Variants in CRYM observed in about 807,000 individuals in gnomAD.
CRYM encodes the protein ketimine reductase mu-crystallin.
A neutral mutation model predicts 32.9 loss-of-function variants in CRYM; 18 were observed. That is an observed-to-expected ratio of 0.55 (90% CI 0.38 to 0.81). The LOEUF (loss-of-function observed/expected upper bound fraction) is 0.81. Among genes scored for constraint, CRYM ranks in the 30% least tolerant of loss-of-function variants. The pLI is 0.00. For synonymous variants in CRYM, 153 were observed against 152.4 expected, an observed-to-expected ratio of 1.00 and a Z score of -0.03; for missense variants, 337 against 393.5, an observed-to-expected ratio of 0.86 and a Z score of 1.21.
intron 1 of CRYM, among the ~76,000 whole-genome samples, chr16:21,298,969 T>C (rs1960843122): frequency 6.6e-6 from 1 of 152,200 alleles, no homozygotes. Flanking sequence ...CAAATGTTTA[T>C]TCTAAATTAG....
intron 7 of CRYM, among the ~76,000 whole-genome samples, chr16:21,259,120 A>G (rs902933934): frequency 6.7e-6 from 1 of 148,516 alleles, no homozygotes; most frequent in Non-Finnish European, 1.5e-5. Flanking sequence ...TTTTTTCGAG[A>G]TGGAGTCTCG....
chr16:21,283,887 G>A (rs996856007), intron 1 of CRYM: 51 of 152,576 alleles, frequency 3.3e-4, no homozygotes, highest in African/African-American at 1.2e-3. Context: ...GCGGGCCGTT[G>A]GGGAGGGTGT....
intron 1 of CRYM, among the ~76,000 whole-genome samples, chr16:21,299,343 C>T (rs942492336): frequency 5.3e-5 from 8 of 151,752 alleles, no homozygotes; most frequent in African/African-American, 1.9e-4. Flanking sequence ...GAGTCTCACT[C>T]TGTCACCCAG....
upstream of CRYM, among the ~76,000 whole-genome samples, chr16:21,280,362 A>G (rs909489754): frequency 6.6e-6 from 1 of 152,178 alleles, no homozygotes; most frequent in African/African-American, 2.4e-5. Flanking sequence ...CCTGTGTGAC[A>G]CAGTAAGACT....
At chr16:21,259,161 C>T (rs771337901) in intron 7 of CRYM, among the ~76,000 whole-genome samples, 6 of 151,180 alleles carry the variant, frequency 4.0e-5, no homozygotes, top group East Asian at 1.9e-4. Flanking sequence ...TGCAGTGGCG[C>T]GATTTTGGCT....
At chr16:21,293,237 C>G (rs1195092926) in intron 1 of CRYM, among the ~76,000 whole-genome samples, 3 of 152,126 alleles carry the variant, frequency 2.0e-5, no homozygotes, top group Non-Finnish European at 4.4e-5. Flanking sequence ...TCCCTATAAC[C>G]TCTTAACTCT....
chr16:21,275,834 T>C (rs2093385108), intron 2 of CRYM, among the ~76,000 whole-genome samples: 1 of 151,960 alleles, frequency 6.6e-6, no homozygotes, highest in Admixed American at 6.6e-5. Flanking sequence ...ATTCAGAGGG[T>C]TATTGTGAGG....
At chr16:21,287,976 G>A (rs979611009) in intron 1 of CRYM, among the ~76,000 whole-genome samples, 9 of 152,152 alleles carry the variant, frequency 5.9e-5, no homozygotes, top group African/African-American at 1.2e-4. Context: ...TGTCTAAAGC[G>A]GGTGCAATCT....
chr16:21,259,058 A>G (rs1363857574), intron 7 of CRYM, among the ~76,000 whole-genome samples: 2 of 151,918 alleles, frequency 1.3e-5, no homozygotes, highest in African/African-American at 2.4e-5. Context: ...CAAATTGTGC[A>G]TCTTTCTAAA....
At chr16:21,283,563 G>T (rs1457925524) in intron 1 of CRYM, 1 of 151,210 alleles carries the variant, frequency 6.6e-6, no homozygotes, top group African/African-American at 2.4e-5. Flanking sequence ...AACCTCTGTC[G>T]TCCTAGAGTT....
Position 21,265,722 on chromosome 16 carries a change from G to A in CRYM, c.673+1832C>T, listed in dbSNP as rs563720220. Reference sequence around the variant, plus strand: ...GGCTCTCGCCGGCTCATCTGCCCACGTGTGCAAAGCTCTTAGCTTCTGAGT... The same window carrying A: ...GGCTCTCGCCGGCTCATCTGCCCACATGTGCAAAGCTCTTAGCTTCTGAGT... On this transcript the variant is annotated intron_variant, in intron 5 of 7. Coordinates refer to ENST00000572914, the MANE Select transcript of CRYM (RefSeq NM_001376256.1). Among the ~76,000 whole-genome samples the A allele has an allele frequency of 2.6e-5, 4 of 152,298 alleles. 1 individual carries two copies. The highest frequency in any genetic ancestry group is 7.2e-5 in the African/African-American group (3 of 41,562).
intron 1 of CRYM, among the ~76,000 whole-genome samples, chr16:21,286,983 G>C (rs1026450724): frequency 6.6e-6 from 1 of 152,018 alleles, no homozygotes. Flanking sequence ...CCAGCTACTA[G>C]GGAGGCTGAG....
At chr16:21,279,466 T>C (rs573701585), upstream of CRYM, among the ~76,000 whole-genome samples, 2 of 152,332 alleles carry the variant, frequency 1.3e-5, no homozygotes, top group East Asian at 3.9e-4. Flanking sequence ...GCATGTTGAA[T>C]AGCTCTGGGA....
chr16:21,270,901 T>C (rs1278235433), intron 3 of CRYM, among the ~76,000 whole-genome samples: 3 of 152,222 alleles, frequency 2.0e-5, no homozygotes, highest in Non-Finnish European at 4.4e-5. Context: ...TCACGTCCAG[T>C]GCCACCTCTC....
At chr16:21,286,220 A>ATTT (rs35658566) in intron 1 of CRYM, among the ~76,000 whole-genome samples, 3 of 145,544 alleles carry the variant, frequency 2.1e-5, no homozygotes, top group Middle Eastern at 7.0e-3. Context: ...TAAAGACAGA[A>ATTT]TTTTTTTTTT....
chr16:21,282,180 GC>G (rs2093399436), upstream of CRYM, among the ~76,000 whole-genome samples: 1 of 152,158 alleles, frequency 6.6e-6, no homozygotes, highest in Admixed American at 6.5e-5. Context: ...CTCTCTCTTT[GC>G]TATTGCCCTC....
chr16:21,277,556 C>T lies in CRYM; in HGVS notation c.199G>A (p.Ala67Thr). The T allele has an allele frequency of 1.9e-6, 3 of 1,613,964 alleles. No homozygotes were observed. In the South Asian group the frequency reaches 3.3e-5, roughly 18 times the overall value. ...GYLGVMPAYS[A>T]AEDALTTKLV... The stretch of plus-strand genomic sequence containing the variant: ...TTGGTGGTCAGTGCATCCTCTGCAG[C>T]ACTGTAGGCGGGCATGACCCCCAGG... Residue 67 changes from alanine to threonine, a missense_variant, in exon 2 of 8, where the codon GCT (alanine) becomes ACT (threonine). By Grantham distance (58) the Ala-to-Thr change is moderately conservative. Transcript: ENST00000572914. The surrounding 1 kb of genome is among the most constrained non-coding windows in gnomAD (Gnocchi z 4.2).
intron 7 of CRYM, among the ~76,000 whole-genome samples, chr16:21,259,821 G>A (rs2093351096): frequency 6.6e-6 from 1 of 152,156 alleles, no homozygotes; most frequent in Non-Finnish European, 1.5e-5. Flanking sequence ...ATAATTAGGT[G>A]CTTGATACGC....
intron 5 of CRYM, among the ~76,000 whole-genome samples, chr16:21,264,427 T>C (rs2093360212): frequency 6.6e-6 from 1 of 152,084 alleles, no homozygotes; most frequent in Non-Finnish European, 1.5e-5. Context: ...GAAGCCTGAC[T>C]CAAACAAGGC....
Sources: gnomAD v4.1 joint callset for allele counts (sites outside exome capture counted in the v4.1 genomes callset) on GRCh38, gnomAD v4.1.1 for gene constraint, Gnocchi (gnomAD v3.1) non-coding constraint, MANE v1.5 for transcripts, NCBI Gene and HGNC (gene_info 2026-07-23, HGNC 2026-07-21) for gene names.